Variants in XPR1 observed in about 807,000 individuals in gnomAD.
XPR1 encodes xenotropic and polytropic retrovirus receptor 1, also known as solute carrier family 53 member 1.
Under a neutral mutation model 87.5 loss-of-function variants are expected in XPR1, and 28 were observed. The ratio of observed to expected loss-of-function variants is 0.32; its 90% CI spans 0.24 to 0.44. The LOEUF is 0.44. XPR1 is among the 20% of genes least tolerant of loss of function. The pLI is 1.00. For synonymous variants in XPR1, 300 were observed against 306.1 expected (o/e 0.98, Z 0.21); for missense variants, 559 against 862.3 (o/e 0.65, Z 4.41).
intron 11 of XPR1, among the ~76,000 whole-genome samples, chr1:180,852,684 G>A (rs1651902886): frequency 6.6e-6 from 1 of 151,832 alleles, no homozygotes; most frequent in Non-Finnish European, 1.5e-5. Context: ...GAGTAGCTAG[G>A]ACTACAGGTG....
intron 11 of XPR1, among the ~76,000 whole-genome samples, chr1:180,838,638 T>G (rs12064761): frequency 0.02 from 3,118 of 152,270 alleles, 108 homozygotes; most frequent in African/African-American, 0.071. Flanking sequence ...ACAACTGAAA[T>G]TTTTCATCTT....
At chr1:180,650,207 T>C (rs1292883967) in intron 1 of XPR1, among the ~76,000 whole-genome samples, 1 of 152,180 alleles carries the variant, frequency 6.6e-6, no homozygotes, top group Non-Finnish European at 1.5e-5. Context: ...TGTCATTTTT[T>C]ACTGGAATAT....
intron 2 of XPR1, among the ~76,000 whole-genome samples, chr1:180,714,098 TATTTA>T (rs966433239): frequency 6.6e-6 from 1 of 152,192 alleles, no homozygotes; most frequent in Non-Finnish European, 1.5e-5. Context: ...GGAATTTGTC[TATTTA>T]ATTAAAATTG....
At chr1:180,676,572 C>G (rs1656375896) in intron 1 of XPR1, among the ~76,000 whole-genome samples, 1 of 152,176 alleles carries the variant, frequency 6.6e-6, no homozygotes, top group African/African-American at 2.4e-5. Flanking sequence ...ATTACCACTA[C>G]TCTATACTTG....
chr1:180,670,051 T>C (rs1483819422), intron 1 of XPR1, among the ~76,000 whole-genome samples: 3 of 152,210 alleles, frequency 2.0e-5, no homozygotes, highest in African/African-American at 7.2e-5. Context: ...TTTAAGTTTT[T>C]CTTAAAATCT....
intron 2 of XPR1, among the ~76,000 whole-genome samples, chr1:180,728,333 G>A (rs897732629): frequency 6.7e-6 from 1 of 149,832 alleles, no homozygotes; most frequent in Non-Finnish European, 1.5e-5. Flanking sequence ...ATGTTGATGG[G>A]GCTACAAGCT....
At position 180,656,456 on chromosome 1, in the gene XPR1, T is replaced by TTATATATAATATATATA. The variant is rs1557941450; in HGVS notation, c.69+24187_69+24188insATATATAATATATATAT. On this transcript the variant is annotated intron_variant, in intron 1 of 14. Transcript: ENST00000367590. Reference sequence around the variant, plus strand: ...ATATTTATATATAAATATTTATATATTTATATATAATATTTATACATTATA... The same window carrying TTATATATAATATATATA: ...ATATTTATATATAAATATTTATATATTATATATAATATATATATTATATATAATATTTATACATTATA... Among the ~76,000 whole-genome samples, 9 of 3,328 alleles carry TTATATATAATATATATA rather than the reference T, an allele frequency of 2.7e-3. 1 individual carries two copies. The highest frequency in any genetic ancestry group is 3.7e-3 in the African/African-American group (5 of 1,354). 2.2% of individuals were successfully genotyped at this position (3,328 alleles called of 152,430 possible).
rs189961156 is a variant in XPR1, at chr1:180,731,484, T to C, written c.121+49073T>C. ...CCTATGGTGCTGTGATCTGGTGAGTTTCAGTTCTTTGATACCTTTTTTTGA... is the reference window on the plus strand; with the variant it reads ...CCTATGGTGCTGTGATCTGGTGAGTCTCAGTTCTTTGATACCTTTTTTTGA... On this transcript the variant is annotated intron_variant, in intron 2 of 14. Coordinates refer to ENST00000367590, the MANE Select transcript of XPR1 (RefSeq NM_004736.4). Among the ~76,000 whole-genome samples, 2 of 152,212 alleles carry C rather than the reference T, an allele frequency of 1.3e-5. 1 individual carries two copies. The highest frequency in any genetic ancestry group is 3.9e-4 in the East Asian group (2 of 5,174).
chr1:180,774,864 G>A (rs982324170), intron 2 of XPR1, among the ~76,000 whole-genome samples: 48 of 152,248 alleles, frequency 3.2e-4, no homozygotes, highest in African/African-American at 1.1e-3. Context: ...TAGTTCTGGA[G>A]GCTGGGAAGT....
chr1:180,728,303 G>C (rs938762261), intron 2 of XPR1, among the ~76,000 whole-genome samples: 3 of 145,214 alleles, frequency 2.1e-5, no homozygotes, highest in Admixed American at 6.8e-5. Flanking sequence ...TAACTGGGGG[G>C]GGGGGTAGTA....
At chr1:180,760,326 C>T (rs781600404) in intron 2 of XPR1, among the ~76,000 whole-genome samples, 1 of 152,160 alleles carries the variant, frequency 6.6e-6, no homozygotes, top group Non-Finnish European at 1.5e-5. Context: ...GTCACATTGT[C>T]GCTGTTTGCA....
chr1:180,635,241 C>G (rs949167984), intron 1 of XPR1, among the ~76,000 whole-genome samples: 1 of 152,070 alleles, frequency 6.6e-6, no homozygotes, highest in Non-Finnish European at 1.5e-5. Context: ...TAAACACAAA[C>G]AAGCCGAGAC....
At chr1:180,863,419 C>T (rs1652282746) in intron 11 of XPR1, among the ~76,000 whole-genome samples, 1 of 152,114 alleles carries the variant, frequency 6.6e-6, no homozygotes. Flanking sequence ...CATTCGACGC[C>T]TTCATTGCAA....
Position 180,803,381 on chromosome 1 carries a change from C to A in XPR1, c.224-7C>A. 6.2e-7 allele frequency: 1 copy of A among 1,612,654 alleles called. No homozygotes were observed. The highest frequency in any genetic ancestry group is 2.2e-5 in the East Asian group (1 of 44,854). ...CTGATTTGACAGTTCCGTTCTATTT[C>A]TTATAGAGAAGCTCGCAGAGGCTCA... is the stretch of plus-strand genomic sequence containing the variant. On this transcript the variant is annotated splice_region_variant and splice_polypyrimidine_tract_variant and intron_variant, in intron 3 of 14. Transcript: ENST00000367590.
intron 3 of XPR1, among the ~76,000 whole-genome samples, chr1:180,798,945 G>A (rs1430346337): frequency 1.3e-5 from 2 of 152,130 alleles, no homozygotes. Context: ...TATATTATTG[G>A]TCATGGAAGT....
intron 12 of XPR1, among the ~76,000 whole-genome samples, chr1:180,866,795 TTA>T (rs1169767273): frequency 7.5e-6 from 1 of 132,956 alleles, no homozygotes; most frequent in African/African-American, 3.0e-5. Flanking sequence ...ACATATTAGT[TTA>T]TTTTTTTTTT....
chr1:180,836,945 T>C (rs553916474), intron 11 of XPR1, among the ~76,000 whole-genome samples: 4 of 152,340 alleles, frequency 2.6e-5, no homozygotes, highest in African/African-American at 9.6e-5. Context: ...TAATAATTTG[T>C]GATAATGTTT....
chr1:180,779,200 A>G (rs906035307), intron 2 of XPR1, among the ~76,000 whole-genome samples: 2 of 133,230 alleles, frequency 1.5e-5, no homozygotes, highest in African/African-American at 2.6e-5. Context: ...CATCCATCCC[A>G]GTTCTTACAC....
chr1:180,785,011 T>TGTTTGTGTGTGTGTGTGTG (rs1649083957), intron 2 of XPR1, among the ~76,000 whole-genome samples: 1 of 136,280 alleles, frequency 7.3e-6, no homozygotes, highest in Admixed American at 7.7e-5. Context: ...GTGTGTGTGT[T>TGTTTGTGTGTGTGTGTGTG]TGTGTGTGTG....
Sources: gnomAD v4.1 joint callset for allele counts (sites outside exome capture counted in the v4.1 genomes callset) on GRCh38, gnomAD v4.1.1 for gene constraint, MANE v1.5 for transcripts, NCBI Gene and HGNC (gene_info 2026-07-23, HGNC 2026-07-21) for gene names.